The following FOXP1 variants were observed in gnomAD, a reference collection of about 807,000 sequenced individuals.
FOXP1 encodes forkhead box protein P1.
FOXP1 carries 15 observed loss-of-function variants against 98.2 expected under a neutral mutation model. The observed-to-expected ratio is 0.15, with a 90% confidence interval of 0.10 to 0.24. FOXP1 has a LOEUF of 0.24. FOXP1 is among the 10% of genes least tolerant of loss of function. FOXP1 has a pLI of 1.00. For missense variants in FOXP1, 633 were observed against 848.5 expected (o/e 0.75, Z 3.15); for synonymous variants, 371 against 314.5 (o/e 1.18, Z -1.90).
intron 10 of FOXP1, 113 bp from the exon 11 acceptor site, chr3:71,041,645 G>T: frequency 9.7e-7 from 1 of 1,031,206 alleles, no homozygotes; most frequent in African/African-American, 1.6e-5. Context: ...GGGGTTTTTC[G>T]GTGTGTGCAG....
At chr3:71,284,253 T>C (rs1266495051) in intron 5 of FOXP1, among the ~76,000 whole-genome samples, 1 of 151,982 alleles carries the variant, frequency 6.6e-6, no homozygotes, top group Non-Finnish European at 1.5e-5. Context: ...CTAGAATACA[T>C]CTAAAGAAAA....
intron 2 of FOXP1, among the ~76,000 whole-genome samples, chr3:71,519,061 C>CA (rs1397454022): frequency 2.6e-5 from 4 of 152,306 alleles, no homozygotes; most frequent in Non-Finnish European, 4.4e-5. Flanking sequence ...GCCTGGCCAA[C>CA]ACGGTGAAAC....
chr3:71,388,395 C>T (rs184566755), intron 3 of FOXP1, among the ~76,000 whole-genome samples: 1 of 152,204 alleles, frequency 6.6e-6, no homozygotes, highest in Non-Finnish European at 1.5e-5. Flanking sequence ...CCGCAGCTCG[C>T]CCTTCTAGGT....
intron 2 of FOXP1, among the ~76,000 whole-genome samples, chr3:71,566,261 C>A (rs2046906011): frequency 6.6e-6 from 1 of 152,242 alleles, no homozygotes; most frequent in African/African-American, 2.4e-5. Flanking sequence ...AGTTTATTCT[C>A]CAACTGCCCT....
intron 2 of FOXP1, chr3:71,581,039 C>G (rs988271635): frequency 7.2e-6 from 7 of 978,148 alleles, no homozygotes; most frequent in Non-Finnish European, 8.5e-6. Flanking sequence ...ATTATTCTGC[C>G]CAAGCCTCAC....
intron 6 of FOXP1, among the ~76,000 whole-genome samples, chr3:71,124,042 T>C (rs892998245): frequency 3.9e-5 from 6 of 152,084 alleles, no homozygotes; most frequent in Admixed American, 6.5e-5. Flanking sequence ...GGTACCTGGG[T>C]GTCGGGATAT....
intron 4 of FOXP1, among the ~76,000 whole-genome samples, chr3:71,306,936 C>A (rs994964869): frequency 5.9e-5 from 9 of 152,126 alleles, no homozygotes; most frequent in Non-Finnish European, 1.3e-4. Context: ...GGAATTTAAG[C>A]AAGAGGAAAA....
chr3:71,488,277 A>G (rs2090811408), intron 3 of FOXP1, among the ~76,000 whole-genome samples: 5 of 152,222 alleles, frequency 3.3e-5, no homozygotes, highest in Non-Finnish European at 5.9e-5. Flanking sequence ...TAATCTTAAA[A>G]TAGGAGTTGG....
chr3:71,540,671 G>A (rs781461756), intron 2 of FOXP1, among the ~76,000 whole-genome samples: 51 of 152,194 alleles, frequency 3.4e-4, no homozygotes, highest in Non-Finnish European at 6.5e-4. Context: ...ACCTGGAGAT[G>A]TCAGGGTAAT....
chr3:71,300,919 T>C (rs2073789180), intron 4 of FOXP1, among the ~76,000 whole-genome samples: 1 of 152,196 alleles, frequency 6.6e-6, no homozygotes. Flanking sequence ...GCAAACATCA[T>C]TGAGAAGAGT....
At chr3:71,069,837 A>T (rs1264344506) in intron 7 of FOXP1, among the ~76,000 whole-genome samples, 1 of 152,244 alleles carries the variant, frequency 6.6e-6, no homozygotes, top group Non-Finnish European at 1.5e-5. Flanking sequence ...ATCGCTGAAT[A>T]TCAGATAAAG....
At chr3:71,013,152 A>T (rs528199495) in intron 12 of FOXP1, among the ~76,000 whole-genome samples, 14 of 152,288 alleles carry the variant, frequency 9.2e-5, no homozygotes, top group African/African-American at 3.4e-4. Flanking sequence ...TATAGCTTCA[A>T]ATGGGCCAAC....
intron 4 of FOXP1, among the ~76,000 whole-genome samples, chr3:71,341,494 C>A (rs1299674432): frequency 6.6e-6 from 1 of 152,102 alleles, no homozygotes; most frequent in South Asian, 2.1e-4. Flanking sequence ...AGAGGCAAGG[C>A]GTGGTGGCTA....
chr3:71,455,270 G>C (rs2087361816), intron 3 of FOXP1, among the ~76,000 whole-genome samples: 1 of 152,064 alleles, frequency 6.6e-6, no homozygotes, highest in African/African-American at 2.4e-5. Flanking sequence ...ACATCTGAGA[G>C]TACATCCCTA....
At chr3:71,174,240 GA>G (rs2061799290) in intron 6 of FOXP1, among the ~76,000 whole-genome samples, 1 of 152,172 alleles carries the variant, frequency 6.6e-6, no homozygotes, top group South Asian at 2.1e-4. Flanking sequence ...GATTACTGTG[GA>G]GGGGGGAAAA....
intron 7 of FOXP1, among the ~76,000 whole-genome samples, chr3:71,070,658 C>T (rs575394344): frequency 5.9e-5 from 9 of 152,268 alleles, no homozygotes; most frequent in Non-Finnish European, 1.0e-4. Flanking sequence ...GAACCCTCCG[C>T]GCACGTGTGG....
chr3:71,072,641 T>C (rs544965649), intron 7 of FOXP1, among the ~76,000 whole-genome samples: 9 of 152,352 alleles, frequency 5.9e-5, no homozygotes, highest in Admixed American at 3.3e-4. Flanking sequence ...TTTATGTTTT[T>C]TTGTGCTTGT....
chr3:71,257,437 TAGCCG>T (rs2068723065), intron 5 of FOXP1, among the ~76,000 whole-genome samples: 1 of 151,694 alleles, frequency 6.6e-6, no homozygotes, highest in African/African-American at 2.4e-5. Context: ...AAATAAAAAA[TAGCCG>T]AGGGTGGTGG....
intron 3 of FOXP1, among the ~76,000 whole-genome samples, chr3:71,406,602 G>A (rs563668317): frequency 2.0e-5 from 3 of 151,398 alleles, no homozygotes; most frequent in Non-Finnish European, 4.4e-5. Flanking sequence ...TGGGTTCGCC[G>A]AGATACTCCA....
Sources: gnomAD v4.1 joint callset for allele counts (sites outside exome capture counted in the v4.1 genomes callset) on GRCh38, gnomAD v4.1.1 for gene constraint, MANE v1.5 for transcripts, NCBI Gene and HGNC (gene_info 2026-07-23, HGNC 2026-07-21) for gene names.